TEX11: variants seen among roughly 807,000 people sequenced by gnomAD.
The protein encoded by TEX11 is testis expressed 11.
In TEX11, 7 loss-of-function variants were observed where a neutral mutation model predicts 84.4. The ratio of observed to expected loss-of-function variants is 0.08; its 90% confidence interval spans 0.05 to 0.16. The LOEUF (loss-of-function observed/expected upper bound fraction) is 0.16, where lower values mean the gene tolerates loss of function less well. Among genes scored for constraint, TEX11 ranks in the 10% least tolerant of loss-of-function variants. The pLI, the probability that TEX11 is intolerant of heterozygous loss-of-function variation, is 1.00. For missense variants in TEX11, 551 were observed against 660.5 expected (o/e 0.83, Z 1.82); for synonymous variants, 264 against 222.8 (o/e 1.18, Z -1.64).
In TEX11 at chrX:70,632,768, G is replaced by A. The variant is rs1039295781; in HGVS notation, c.1484-3033C>T. On this transcript the variant is annotated intron_variant, in intron 17 of 29. Transcript: ENST00000374333. ...ATAAGAAAGGTTACAGGTGTTAAAA[G>A]GATAATATGGGGGATATTATGAACA... is the stretch of plus-strand genomic sequence containing the variant. Among the ~76,000 whole-genome samples, 12 of 111,112 alleles carry A rather than the reference G, an allele frequency of 1.1e-4. No individual in the cohort carries two copies. In the South Asian group the frequency reaches 1.9e-3, roughly 18 times the overall value.
intron 8 of TEX11, among the ~76,000 whole-genome samples, chrX:70,811,696 T>C (rs2091255718): frequency 9.0e-6 from 1 of 110,570 alleles, no homozygotes; most frequent in Non-Finnish European, 1.9e-5. Context: ...TGTTGTTTCC[T>C]GACTTTTTAA....
intron 9 of TEX11, among the ~76,000 whole-genome samples, chrX:70,765,314 A>C (rs1181506222): frequency 1.8e-5 from 2 of 111,276 alleles, no homozygotes; most frequent in Non-Finnish European, 3.8e-5. Context: ...TGAACTCAGG[A>C]AGCAGAGGTT....
intron 11 of TEX11, among the ~76,000 whole-genome samples, chrX:70,732,857 C>G (rs956023766): frequency 1.8e-5 from 2 of 111,674 alleles, no homozygotes; most frequent in African/African-American, 6.5e-5. Flanking sequence ...AATCCTAAGC[C>G]AAAAGAACAA....
At chrX:70,516,118 T>G in the TEX11 span, among the ~76,000 whole-genome samples, 2 of 112,277 alleles carry the variant, frequency 1.8e-5, no homozygotes, top group Non-Finnish European at 3.8e-5. Context: ...AGAAGCTCTT[T>G]AGTTTAATTA....
chrX:70,904,155 A>G (rs1329384131), intron 2 of TEX11, among the ~76,000 whole-genome samples: 1 of 109,923 alleles, frequency 9.1e-6, no homozygotes, highest in Non-Finnish European at 1.9e-5. Flanking sequence ...GGTGATACAA[A>G]AAAGACTGGT....
intron 28 of TEX11, among the ~76,000 whole-genome samples, chrX:70,546,415 C>G (rs902202393): frequency 2.7e-5 from 3 of 111,561 alleles, no homozygotes; most frequent in African/African-American, 9.8e-5. Context: ...AAATTAAAAA[C>G]TTTGGCTCTT....
At chrX:70,826,756 G>T (rs2091349004) in intron 8 of TEX11, among the ~76,000 whole-genome samples, 1 of 111,635 alleles carries the variant, frequency 9.0e-6, no homozygotes, top group Non-Finnish European at 1.9e-5. Context: ...CATCCCAGTG[G>T]TGGGAACTTG....
chrX:70,768,192 T>C (rs1311661952), intron 9 of TEX11, among the ~76,000 whole-genome samples: 2 of 111,639 alleles, frequency 1.8e-5, no homozygotes, highest in Non-Finnish European at 3.8e-5. Context: ...TAGCCCATTT[T>C]CCATGATGTG....
intron 8 of TEX11, among the ~76,000 whole-genome samples, chrX:70,807,572 C>T (rs762947607): frequency 1.1e-4 from 12 of 111,396 alleles, no homozygotes; most frequent in Non-Finnish European, 1.5e-4. Flanking sequence ...ATAGAAACCA[C>T]CTATCTAGAG....
At chrX:70,714,675 C>G (rs771675072) in intron 13 of TEX11, among the ~76,000 whole-genome samples, 1 of 111,432 alleles carries the variant, frequency 9.0e-6, no homozygotes, top group East Asian at 2.8e-4. Context: ...TTATTTTGAG[C>G]CTATGTGTGT....
intron 13 of TEX11, among the ~76,000 whole-genome samples, chrX:70,705,592 A>T (rs371638187): frequency 3.6e-5 from 4 of 111,728 alleles, no homozygotes; most frequent in African/African-American, 9.8e-5. Context: ...GAATCTACAA[A>T]GAACTCAAAC....
intron 5 of TEX11, among the ~76,000 whole-genome samples, chrX:70,855,592 G>C (rs2091532028): frequency 9.1e-6 from 1 of 110,034 alleles, no homozygotes; most frequent in African/African-American, 3.3e-5. Flanking sequence ...ATTAGTTATT[G>C]TTACAAGCAG....
intron 24 of TEX11, among the ~76,000 whole-genome samples, chrX:70,597,393 T>C (rs73216787): frequency 0.13 from 14,436 of 111,248 alleles, 764 homozygotes; most frequent in Middle Eastern, 0.19. Flanking sequence ...CATAAAGCTA[T>C]AATTATCAAG....
chrX:70,646,689 C>A (rs926182961), intron 17 of TEX11, among the ~76,000 whole-genome samples: 1 of 111,830 alleles, frequency 8.9e-6, no homozygotes, highest in East Asian at 2.8e-4. Context: ...CATCACCCCA[C>A]ATCTGCTAGA....
intron 13 of TEX11, among the ~76,000 whole-genome samples, chrX:70,690,360 A>G (rs2090223693): frequency 8.9e-6 from 1 of 111,773 alleles, no homozygotes; most frequent in African/African-American, 3.3e-5. Flanking sequence ...TCTTTGTACT[A>G]TCTTCCCAAT....
chrX:70,514,862 G>A, the TEX11 span, among the ~76,000 whole-genome samples: 2,265 of 110,809 alleles, frequency 0.02, 32 homozygotes, highest in Non-Finnish European at 0.032. Flanking sequence ...GAGGTCAGGA[G>A]TTCGAGACTA....
chrX:70,793,865 C>T (rs767582932), intron 9 of TEX11, among the ~76,000 whole-genome samples: 1 of 101,714 alleles, frequency 9.8e-6, no homozygotes, highest in South Asian at 4.7e-4. Flanking sequence ...GCACTAAAGC[C>T]TCCAAAAAAA....
chrX:70,876,826 G>C (rs1216794116), intron 3 of TEX11, among the ~76,000 whole-genome samples: 1 of 110,910 alleles, frequency 9.0e-6, no homozygotes, highest in Non-Finnish European at 1.9e-5. Context: ...GAGGGCTGAG[G>C]GGGATCACTT....
chrX:70,521,097 G>A, the TEX11 span, among the ~76,000 whole-genome samples: 1 of 111,322 alleles, frequency 9.0e-6, no homozygotes, highest in African/African-American at 3.3e-5. Context: ...CTTCCTGGGT[G>A]AGGTGATGTC....
Sources: allele counts gnomAD v4.1 joint callset (sites outside exome capture counted in the v4.1 genomes callset), GRCh38; gene constraint gnomAD v4.1.1; transcripts MANE v1.5; gene names NCBI Gene and HGNC (gene_info 2026-07-23, HGNC 2026-07-21).